Variants in LRFN5 observed in about 807,000 individuals in gnomAD.
LRFN5 encodes leucine-rich repeat and fibronectin type-III domain-containing protein 5.
In LRFN5, 24 loss-of-function variants were observed where a neutral mutation model predicts 45.6. The observed-to-expected ratio is 0.53, with a 90% CI of 0.38 to 0.74. The LOEUF is 0.74. LRFN5 is among the 30% of genes least tolerant of loss of function. LRFN5 has a pLI of 0.00. For synonymous variants in LRFN5, 340 were observed against 313.8 expected, an observed-to-expected ratio of 1.08 and a Z score of -0.88; for missense variants, 776 against 861.5, an observed-to-expected ratio of 0.90 and a Z score of 1.24.
chr14:41,675,262 TGGA>T (rs1270429447), intron 1 of LRFN5, among the ~76,000 whole-genome samples: 5 of 150,738 alleles, frequency 3.3e-5, no homozygotes, highest in Non-Finnish European at 7.4e-5. Flanking sequence ...GGGTGGGAGG[TGGA>T]GGTTGTAGCC....
chr14:41,844,706 T>G (rs917245777), intron 2 of LRFN5, among the ~76,000 whole-genome samples: 3 of 152,148 alleles, frequency 2.0e-5, no homozygotes, highest in African/African-American at 7.2e-5. Flanking sequence ...ATATAAGTAC[T>G]CCCAACATGG....
At chr14:41,726,610 A>T (rs895510747) in intron 1 of LRFN5, among the ~76,000 whole-genome samples, 3 of 150,860 alleles carry the variant, frequency 2.0e-5, no homozygotes, top group Non-Finnish European at 4.5e-5. Context: ...CATGAACAAA[A>T]TAATGGTTCA....
At chr14:41,897,622 A>G (rs1351489372) in intron 4 of LRFN5, among the ~76,000 whole-genome samples, 1 of 152,104 alleles carries the variant, frequency 6.6e-6, no homozygotes, top group Non-Finnish European at 1.5e-5. Context: ...ACTGGCTGTC[A>G]GAGAACTCCC....
chr14:41,761,340 A>C (rs559871869), intron 1 of LRFN5, among the ~76,000 whole-genome samples: 3 of 152,186 alleles, frequency 2.0e-5, no homozygotes, highest in African/African-American at 7.2e-5. Context: ...GGAAAAAAGA[A>C]AGAAGGGAGA....
intron 2 of LRFN5, among the ~76,000 whole-genome samples, chr14:41,782,433 G>C (rs1183910645): frequency 6.6e-6 from 1 of 151,776 alleles, no homozygotes; most frequent in African/African-American, 2.4e-5. Context: ...ATCTGCTCTT[G>C]CATGATGTCT....
intron 1 of LRFN5, chr14:41,701,261 T>C (rs1295317220): frequency 6.6e-6 from 1 of 152,192 alleles, no homozygotes; most frequent in Non-Finnish European, 1.5e-5. Context: ...ACCATCAGAA[T>C]ACATAACACT....
intron 2 of LRFN5, among the ~76,000 whole-genome samples, chr14:41,815,922 A>G (rs912037747): frequency 1.6e-4 from 25 of 152,030 alleles, no homozygotes; most frequent in African/African-American, 5.6e-4. Context: ...ATTAATATCT[A>G]TCATATTTGT....
chr14:41,655,519 G>A (rs1416843813), intron 1 of LRFN5, among the ~76,000 whole-genome samples: 2 of 152,052 alleles, frequency 1.3e-5, no homozygotes, highest in Non-Finnish European at 2.9e-5. Context: ...GGGCCTTTTG[G>A]AACTTGGTTA....
chr14:41,882,131 T>C (rs1470905846), intron 2 of LRFN5, among the ~76,000 whole-genome samples: 1 of 152,204 alleles, frequency 6.6e-6, no homozygotes, highest in Non-Finnish European at 1.5e-5. Flanking sequence ...AATCTTTTGA[T>C]TTCCAAATTT....
At chr14:41,659,519 C>T (rs527592936) in intron 1 of LRFN5, among the ~76,000 whole-genome samples, 6 of 152,202 alleles carry the variant, frequency 3.9e-5, no homozygotes, top group African/African-American at 1.4e-4. Context: ...CATATGGGTG[C>T]ATGTGTCTTT....
intron 1 of LRFN5, among the ~76,000 whole-genome samples, chr14:41,753,198 A>G (rs4318122): frequency 0.7 from 102,024 of 145,608 alleles, 35,986 homozygotes; most frequent in East Asian, 0.95. Flanking sequence ...GTCAGGTAGC[A>G]TGATGCCTCC....
At chr14:41,628,011 C>T (rs1159750830) in intron 1 of LRFN5, among the ~76,000 whole-genome samples, 1 of 151,960 alleles carries the variant, frequency 6.6e-6, no homozygotes, top group Non-Finnish European at 1.5e-5. Context: ...TTATTCTAGG[C>T]TTTAGTGACA....
chr14:41,656,214 C>T (rs1444433742), intron 1 of LRFN5, among the ~76,000 whole-genome samples: 2 of 151,848 alleles, frequency 1.3e-5, no homozygotes, highest in African/African-American at 4.8e-5. Flanking sequence ...ATATTTACCT[C>T]CCAAGGCTAT....
At chr14:41,644,907 T>A (rs2089915211) in intron 1 of LRFN5, among the ~76,000 whole-genome samples, 1 of 152,168 alleles carries the variant, frequency 6.6e-6, no homozygotes, top group Non-Finnish European at 1.5e-5. Context: ...GGGATCATAT[T>A]TGACATTCTA....
intron 2 of LRFN5, among the ~76,000 whole-genome samples, chr14:41,835,826 TAAAG>T (rs1156981090): frequency 1.3e-5 from 2 of 152,112 alleles, no homozygotes; most frequent in African/African-American, 4.8e-5. Flanking sequence ...GAGTTTATTT[TAAAG>T]TAATCATTCT....
intron 1 of LRFN5, among the ~76,000 whole-genome samples, chr14:41,634,535 T>C (rs1888664353): frequency 6.6e-6 from 1 of 152,172 alleles, no homozygotes; most frequent in Non-Finnish European, 1.5e-5. Flanking sequence ...TAGAATCATA[T>C]AATTTGGTAA....
intron 1 of LRFN5, among the ~76,000 whole-genome samples, chr14:41,740,981 C>G (rs73315030): frequency 0.01 from 1,558 of 151,516 alleles, 39 homozygotes; most frequent in African/African-American, 0.035. Flanking sequence ...ACAATAGCAT[C>G]CAAAAATAAA....
chr14:41,887,297 C>T lies in LRFN5; in HGVS notation c.672C>T (p.Thr224=). The part of the protein sequence containing the change: ...PLFQRAQVLA[T]SGIISPSTFA... ...TTCAGCGAGCTCAGGTACTAGCAAC[C>T]TCAGGAATCATAAGCCCATCTACTT... is the stretch of plus-strand genomic sequence containing the variant. The change falls in exon 3 of 6, where the codon ACC becomes ACT. Residue 224 remains threonine, a synonymous_variant. Transcript: ENST00000298119. This position sits in a 1 kb window ranked among gnomAD's most constrained non-coding sequence, Gnocchi z 4.8. 6.2e-7 allele frequency: 1 copy of T among 1,614,166 alleles called. No individual in the cohort carries two copies. The highest frequency in any genetic ancestry group is 8.5e-7 in the Non-Finnish European group (1 of 1,180,038).
At chr14:41,885,510 T>A (rs955176339) in intron 2 of LRFN5, among the ~76,000 whole-genome samples, 1 of 152,066 alleles carries the variant, frequency 6.6e-6, no homozygotes, top group South Asian at 2.1e-4. Flanking sequence ...AAATATACAT[T>A]CGTTAAGATT....
Sources: allele counts gnomAD v4.1 joint callset (sites outside exome capture counted in the v4.1 genomes callset), GRCh38; gene constraint gnomAD v4.1.1; non-coding constraint Gnocchi (gnomAD v3.1); transcripts MANE v1.5; gene names NCBI Gene and HGNC (gene_info 2026-07-23, HGNC 2026-07-21).